The following MALRD1 variants were observed in gnomAD, a reference collection of about 807,000 sequenced individuals.
MALRD1 encodes MAM and LDL receptor class A domain containing 1.
A neutral mutation model predicts 242.1 loss-of-function variants in MALRD1; 247 were observed. The ratio of observed to expected loss-of-function variants is 1.02; its 90% confidence interval spans 0.92 to 1.13. The LOEUF (loss-of-function observed/expected upper bound fraction) is 1.13. Among genes scored for constraint, MALRD1 ranks in the 50% most tolerant of loss-of-function variants. MALRD1 has a pLI of 0.00. For missense variants in MALRD1, 2,989 were observed against 2,533.1 expected, an observed-to-expected ratio of 1.18 and a Z score of -3.86; for synonymous variants, 995 against 866.6, an observed-to-expected ratio of 1.15 and a Z score of -2.60.
intron 28 of MALRD1, among the ~76,000 whole-genome samples, chr10:19,440,339 A>C (rs1442531657): frequency 6.7e-6 from 1 of 150,256 alleles, no homozygotes; most frequent in Admixed American, 6.6e-5. Flanking sequence ...ATAGCTTAAA[A>C]CCCATTCTTT....
chr10:19,705,131 A>C (rs1833805950), intron 38 of MALRD1, among the ~76,000 whole-genome samples: 1 of 152,132 alleles, frequency 6.6e-6, no homozygotes, highest in African/African-American at 2.4e-5. Flanking sequence ...TCTCTATCAG[A>C]CCCTTTCTCA....
In MALRD1 at chr10:19,353,502, G is replaced by C. The variant is rs181180916; in HGVS notation, c.4441+1205G>C. On this transcript the variant is annotated intron_variant, in intron 26 of 39. Coordinates refer to ENST00000454679, the MANE Select transcript of MALRD1 (RefSeq NM_001142308.3). ...TTCTGCCTTCCCCGTTTATTTCAAA[G>C]CAAGTATTTTCATTTGGTTACAAAG... 4.4e-3 allele frequency among the ~76,000 whole-genome samples: 669 copies of C among 152,310 alleles called. 1 individual carries two copies. Among genetic ancestry groups the C allele is most frequent in the Non-Finnish European group, 7.4e-3 (502 of 68,020 alleles).
At chr10:19,237,897 AATAATT>A (rs1564491179) in intron 18 of MALRD1, among the ~76,000 whole-genome samples, 40 of 35,424 alleles carry the variant, frequency 1.1e-3, no homozygotes, top group South Asian at 2.2e-3. Flanking sequence ...ATACATTATA[AATAATT>A]TTATATAGTT....
intron 26 of MALRD1, among the ~76,000 whole-genome samples, chr10:19,372,194 T>C (rs1036614640): frequency 2.0e-5 from 3 of 152,194 alleles, no homozygotes; most frequent in African/African-American, 7.2e-5. Context: ...TATATAGTTA[T>C]AGTAATATGA....
Position 19,591,698 on chromosome 10 carries a change from G to A in MALRD1, c.5681-3496G>A, listed in dbSNP as rs868491816. 8.5e-5 allele frequency among the ~76,000 whole-genome samples: 13 copies of A among 152,098 alleles called. 1 individual carries two copies. Among genetic ancestry groups the A allele is most frequent in the Middle Eastern group, 3.4e-3 (1 of 292 alleles). On this transcript the variant is annotated intron_variant, in intron 33 of 39. Transcript: ENST00000454679. ...TTTTTAGAAAAGACAGGGATTCACC[G>A]TGTTGACCAGGCTGGTCTTGAACTC... is the stretch of plus-strand genomic sequence containing the variant.
chr10:19,652,638 G>T (rs550051944), intron 36 of MALRD1, among the ~76,000 whole-genome samples: 4 of 152,236 alleles, frequency 2.6e-5, no homozygotes, highest in African/African-American at 9.6e-5. Flanking sequence ...GATTAAACTG[G>T]CTGGGTGCAG....
chr10:19,364,935 G>A (rs922581358), intron 26 of MALRD1, among the ~76,000 whole-genome samples: 4 of 152,054 alleles, frequency 2.6e-5, no homozygotes, highest in Admixed American at 2.0e-4. Flanking sequence ...TTGGGGATTA[G>A]CATATTATCT....
At chr10:19,444,521 C>A (rs546237738) in intron 28 of MALRD1, among the ~76,000 whole-genome samples, 33 of 152,148 alleles carry the variant, frequency 2.2e-4, no homozygotes, top group African/African-American at 5.8e-4. Context: ...AAAATCTCTC[C>A]GCATTTGCTT....
intron 36 of MALRD1, among the ~76,000 whole-genome samples, chr10:19,633,431 T>C (rs1564501875): frequency 6.6e-6 from 1 of 152,158 alleles, no homozygotes; most frequent in Non-Finnish European, 1.5e-5. Flanking sequence ...TAAAGACATT[T>C]GCTGTGGCTG....
intron 18 of MALRD1, among the ~76,000 whole-genome samples, chr10:19,210,519 T>C (rs929438384): frequency 1.3e-5 from 2 of 152,060 alleles, no homozygotes; most frequent in Admixed American, 6.5e-5. Flanking sequence ...TTTCATCCTG[T>C]AGTCAAATTA....
intron 28 of MALRD1, among the ~76,000 whole-genome samples, chr10:19,449,879 A>G (rs967731749): frequency 2.0e-5 from 3 of 152,156 alleles, no homozygotes; most frequent in African/African-American, 4.8e-5. Context: ...GAAATGTTCC[A>G]TATTATTGTG....
chr10:19,342,792 C>A lies in MALRD1; in HGVS notation c.3902-4979C>A, dbSNP rs951928527. 2.0e-5 allele frequency among the ~76,000 whole-genome samples: 3 copies of A among 152,008 alleles called. No homozygotes were observed. In the South Asian group the frequency reaches 6.2e-4, roughly 32 times the overall value. On this transcript the variant is annotated intron_variant, in intron 24 of 39. Coordinates refer to ENST00000454679, the MANE Select transcript of MALRD1 (RefSeq NM_001142308.3). ...TGCAGCTGAGTGACAGGAGCTAAGA[C>A]CACATTCATTGTCTTTCCAAAATTA...
chr10:19,610,916 T>A (rs1379943269), intron 35 of MALRD1, among the ~76,000 whole-genome samples: 1 of 151,888 alleles, frequency 6.6e-6, no homozygotes, highest in East Asian at 1.9e-4. Context: ...CCCTGACACA[T>A]AGCAGGCCTT....
intron 38 of MALRD1, among the ~76,000 whole-genome samples, chr10:19,717,179 C>T (rs79476387): frequency 1.3e-5 from 2 of 152,212 alleles, no homozygotes; most frequent in Non-Finnish European, 2.9e-5. Context: ...AAGTTCTGCT[C>T]CGAGATGAAA....
At chr10:19,249,452 G>C (rs1839209469) in intron 18 of MALRD1, among the ~76,000 whole-genome samples, 1 of 151,876 alleles carries the variant, frequency 6.6e-6, no homozygotes, top group Non-Finnish European at 1.5e-5. Context: ...AAACAGATGG[G>C]ATATAGCATG....
intron 31 of MALRD1, among the ~76,000 whole-genome samples, chr10:19,513,477 C>G (rs1166771777): frequency 2.0e-5 from 3 of 150,370 alleles, no homozygotes; most frequent in Admixed American, 2.0e-4. Flanking sequence ...TGGTGGCTCA[C>G]GCCTGTAATC....
intron 14 of MALRD1, among the ~76,000 whole-genome samples, chr10:19,191,083 A>G (rs1352010063): frequency 6.6e-6 from 1 of 152,214 alleles, no homozygotes; most frequent in African/African-American, 2.4e-5. Context: ...TCCACAATAT[A>G]GGAGAGAACT....
chr10:19,097,699 G>C (rs1836093748), intron 4 of MALRD1, among the ~76,000 whole-genome samples: 1 of 152,168 alleles, frequency 6.6e-6, no homozygotes, highest in Admixed American at 6.5e-5. Flanking sequence ...CTAGCCTCTA[G>C]ATGTTTACTG....
chr10:19,515,297 C>A (rs1230887460), intron 31 of MALRD1, among the ~76,000 whole-genome samples: 2 of 152,126 alleles, frequency 1.3e-5, no homozygotes, highest in African/African-American at 4.8e-5. Context: ...AACAACTGAG[C>A]TATATCACAC....
Sources: allele counts gnomAD v4.1 joint callset (sites outside exome capture counted in the v4.1 genomes callset), GRCh38; gene constraint gnomAD v4.1.1; transcripts MANE v1.5; gene names NCBI Gene and HGNC (gene_info 2026-07-23, HGNC 2026-07-21).